The following SLC25A48 variants were observed in gnomAD, a reference collection of about 807,000 sequenced individuals.
SLC25A48 encodes solute carrier family 25 member 48, also known as CTC-321K16.1.
In SLC25A48, 29 loss-of-function variants were observed where a neutral mutation model predicts 32.2. The observed-to-expected ratio is 0.90, with a 90% CI of 0.67 to 1.23. The LOEUF is 1.23. Ranked by LOEUF, SLC25A48 falls within the 50% of genes most tolerant of loss-of-function variation. The pLI is 0.00. For missense variants in SLC25A48, 399 were observed against 422.7 expected (o/e 0.94, Z 0.49); for synonymous variants, 164 against 172.3 (o/e 0.95, Z 0.38).
intron 3 of SLC25A48, among the ~76,000 whole-genome samples, chr5:135,701,449 T>A (rs1754394142): frequency 6.6e-6 from 1 of 152,142 alleles, no homozygotes; most frequent in Admixed American, 6.5e-5. Context: ...TTGGGAGCAG[T>A]ATTTTGAGGA....
At chr5:135,719,698 G>T (rs1561462372) in intron 3 of SLC25A48, among the ~76,000 whole-genome samples, 1 of 152,188 alleles carries the variant, frequency 6.6e-6, no homozygotes, top group Admixed American at 6.5e-5. Context: ...TTTATGGCTG[G>T]TCCTGATTGC....
At chr5:135,638,636 G>A (rs1752763626) in intron 3 of SLC25A48, among the ~76,000 whole-genome samples, 1 of 152,198 alleles carries the variant, frequency 6.6e-6, no homozygotes. Flanking sequence ...CCAGGGATAG[G>A]ATGAAAGAAA....
chr5:135,649,557 A>G (rs1390828129), intron 3 of SLC25A48: 1 of 152,390 alleles, frequency 6.6e-6, no homozygotes, highest in African/African-American at 2.4e-5. Flanking sequence ...TGGGGTAGTC[A>G]GGGAAGACTT....
At chr5:135,792,404 G>A (rs79730356) in intron 3 of SLC25A48, among the ~76,000 whole-genome samples, 2,946 of 151,680 alleles carry the variant, frequency 0.019, 86 homozygotes, top group African/African-American at 0.066. Context: ...ATTATCCTAA[G>A]GGGATGCTGC....
chr5:135,887,410 G>A (rs1003820290), intron 7 of SLC25A48, among the ~76,000 whole-genome samples: 3 of 152,042 alleles, frequency 2.0e-5, no homozygotes, highest in African/African-American at 7.2e-5. Flanking sequence ...GACCTCGTGG[G>A]TCCTCTTTGA....
rs146662787 is a variant in SLC25A48 at position 135,711,396 on chromosome 5, C to T, written c.-521+76440C>T. Among the ~76,000 whole-genome samples, 420 of 152,172 alleles carry T rather than the reference C, an allele frequency of 2.8e-3. 2 individuals are homozygous for T. The highest frequency in any genetic ancestry group is 9.5e-3 in the African/African-American group (394 of 41,520). On this transcript the variant is annotated intron_variant, in intron 3 of 10. Transcript: ENST00000646290. ...AGGCATACAAGCAGCATCGAGAAGA[C>T]GGGGGAAACCATTCGTAGCTTCAAA... is the stretch of plus-strand genomic sequence containing the variant.
chr5:135,721,423 G>A (rs546674519), intron 3 of SLC25A48, among the ~76,000 whole-genome samples: 5 of 151,862 alleles, frequency 3.3e-5, no homozygotes, highest in South Asian at 4.2e-4. Context: ...GGCTGGTCTC[G>A]AAATCCTGAC....
In SLC25A48 at chr5:135,799,796, T is replaced by C. The variant is rs146341878; in HGVS notation, c.-520-12727T>C. Among the ~76,000 whole-genome samples the C allele has an allele frequency of 3.3e-3, 504 of 151,800 alleles. 2 individuals are homozygous for C. Among genetic ancestry groups the C allele is most frequent in the Middle Eastern group, 0.027 (8 of 294 alleles). On this transcript the variant is annotated intron_variant, in intron 3 of 10. Transcript: ENST00000646290. ...CCCACTTTAATATTGTTCCTAATAT[T>C]CAGTAGTGGAGAGGATGGCATTACT...
chr5:135,879,980 G>T lies in SLC25A48; in HGVS notation c.826G>T (p.Gly276Cys). ...QKEGLKVFFR[G>C]ITVNAVRGFP... ...CCCCTGTGCAAAGGTGTTTTTCAGA[G>T]GCATCACTGTGAACGCGGTGCGGGG... Residue 276 changes from glycine to cysteine, a missense_variant, in exon 7 of 8, where the codon GGC becomes TGC. Gly to Cys is a radical substitution (Grantham distance 159). Coordinates refer to ENST00000681962, the MANE Select transcript of SLC25A48 (RefSeq NM_001349336.2). 1 of 1,536,414 alleles carries T rather than the reference G, an allele frequency of 6.5e-7. No individual in the cohort carries two copies. The highest frequency in any genetic ancestry group is 8.7e-7 in the Non-Finnish European group (1 of 1,146,968).
chr5:135,674,300 A>G (rs535129519), intron 3 of SLC25A48, among the ~76,000 whole-genome samples: 1 of 152,028 alleles, frequency 6.6e-6, no homozygotes, highest in East Asian at 1.9e-4. Flanking sequence ...CCTCTCTTCT[A>G]GCTATTTTGA....
At chr5:135,584,252 C>T (rs1751308174) in intron 1 of SLC25A48, among the ~76,000 whole-genome samples, 1 of 152,242 alleles carries the variant, frequency 6.6e-6, no homozygotes, top group Admixed American at 6.5e-5. Flanking sequence ...CACTCCCTTA[C>T]AGGCAAGCAT....
At chr5:135,767,191 C>CT (rs953160601) in intron 3 of SLC25A48, among the ~76,000 whole-genome samples, 1 of 150,520 alleles carries the variant, frequency 6.6e-6, no homozygotes, top group South Asian at 2.1e-4. Flanking sequence ...AGGTACACCC[C>CT]CCCCCCGTGA....
intron 3 of SLC25A48, among the ~76,000 whole-genome samples, chr5:135,670,092 G>A (rs897082531): frequency 2.0e-5 from 3 of 152,178 alleles, no homozygotes; most frequent in Non-Finnish European, 4.4e-5. Context: ...CGTTGTAGAA[G>A]CCTTTGTAGA....
At chr5:135,755,663 G>A (rs1012131003) in intron 3 of SLC25A48, among the ~76,000 whole-genome samples, 2 of 151,336 alleles carry the variant, frequency 1.3e-5, no homozygotes, top group Admixed American at 1.3e-4. Flanking sequence ...TAATGACAAC[G>A]AACTATAGTA....
At chr5:135,729,563 A>G (rs1274696544) in intron 3 of SLC25A48, among the ~76,000 whole-genome samples, 1 of 152,214 alleles carries the variant, frequency 6.6e-6, no homozygotes, top group Admixed American at 6.5e-5. Flanking sequence ...TCTTGCTTGC[A>G]TAAGTAAATT....
At chr5:135,794,293 A>G (rs1243129215) in intron 3 of SLC25A48, among the ~76,000 whole-genome samples, 1 of 151,154 alleles carries the variant, frequency 6.6e-6, no homozygotes, top group East Asian at 2.0e-4. Flanking sequence ...CCTTTGTGAT[A>G]TTGTTCCAAA....
intron 3 of SLC25A48, among the ~76,000 whole-genome samples, chr5:135,684,475 G>C (rs978232111): frequency 6.6e-6 from 1 of 152,156 alleles, no homozygotes; most frequent in Non-Finnish European, 1.5e-5. Flanking sequence ...CTGTATTGCA[G>C]TCTCGACAGA....
intron 3 of SLC25A48, among the ~76,000 whole-genome samples, chr5:135,772,071 A>C (rs2126610172): frequency 6.6e-6 from 1 of 151,134 alleles, no homozygotes; most frequent in South Asian, 2.1e-4. Flanking sequence ...ATATCACAGA[A>C]GGTGTACACC....
chr5:135,858,205 C>T (rs1760492908), intron 4 of SLC25A48, among the ~76,000 whole-genome samples: 1 of 152,300 alleles, frequency 6.6e-6, no homozygotes, highest in African/African-American at 2.4e-5. Flanking sequence ...GCCAGGAGAC[C>T]AGCCTTTTGG....
Sources: gnomAD v4.1 joint callset for allele counts (sites outside exome capture counted in the v4.1 genomes callset) on GRCh38, gnomAD v4.1.1 for gene constraint, MANE v1.5 for transcripts, NCBI Gene and HGNC (gene_info 2026-07-23, HGNC 2026-07-21) for gene names.